The following MDGA2 variants were observed in gnomAD, a reference collection of about 807,000 sequenced individuals.
The protein encoded by MDGA2 is MAM domain-containing glycosylphosphatidylinositol anchor protein 2.
A neutral mutation model predicts 117.8 loss-of-function variants in MDGA2; 40 were observed. The ratio of observed to expected loss-of-function variants is 0.34; its 90% confidence interval spans 0.26 to 0.44. MDGA2 has a LOEUF of 0.44. Among genes scored for constraint, MDGA2 ranks in the 20% least tolerant of loss-of-function variants. The pLI is 1.00. For missense variants in MDGA2, 1,123 were observed against 1,250.6 expected, an observed-to-expected ratio of 0.90 and a Z score of 1.54; for synonymous variants, 452 against 439.0, an observed-to-expected ratio of 1.03 and a Z score of -0.37.
At chr14:47,145,689 T>C (rs543912378) in intron 3 of MDGA2, among the ~76,000 whole-genome samples, 2 of 152,282 alleles carry the variant, frequency 1.3e-5, no homozygotes, top group South Asian at 2.1e-4. Context: ...AATGATACCA[T>C]ATTATTTAGG....
At chr14:46,943,309 T>C (rs1243792542) in intron 9 of MDGA2, among the ~76,000 whole-genome samples, 2 of 152,056 alleles carry the variant, frequency 1.3e-5, no homozygotes, top group Admixed American at 6.6e-5. Flanking sequence ...AAACAGTGTG[T>C]ATCTTGTAGA....
chr14:46,873,410 A>T lies in MDGA2; in HGVS notation c.2752+23T>A, dbSNP rs775737283. The T allele has an allele frequency of 1.9e-6, 3 of 1,549,564 alleles. No homozygotes were observed. In the South Asian group the frequency reaches 3.8e-5, roughly 19 times the overall value. ...CTTAGTTATCATTAATTTTGTAAGA[A>T]TCAGTAATTATTGCTATCTCACCTA... On this transcript the variant is annotated intron_variant, in intron 14 of 16. Coordinates refer to ENST00000399232, the MANE Select transcript of MDGA2 (RefSeq NM_001113498.3).
intron 1 of MDGA2, among the ~76,000 whole-genome samples, chr14:47,596,973 G>C (rs1325424165): frequency 6.6e-6 from 1 of 152,120 alleles, no homozygotes; most frequent in Non-Finnish European, 1.5e-5. Flanking sequence ...GCCTTAATCA[G>C]TAGCTAAATA....
At chr14:47,103,809 G>C (rs932761636) in intron 5 of MDGA2, among the ~76,000 whole-genome samples, 1 of 152,222 alleles carries the variant, frequency 6.6e-6, no homozygotes, top group African/African-American at 2.4e-5. Context: ...TATCAACAGT[G>C]ATGAATGCCT....
intron 1 of MDGA2, among the ~76,000 whole-genome samples, chr14:47,671,359 T>C (rs1460233368): frequency 3.3e-5 from 5 of 152,182 alleles, no homozygotes; most frequent in African/African-American, 1.2e-4. Context: ...ATAATCCATG[T>C]GTTACAGCAA....
intron 1 of MDGA2, among the ~76,000 whole-genome samples, chr14:47,339,541 G>A (rs1330536742): frequency 3.9e-5 from 6 of 151,964 alleles, no homozygotes; most frequent in African/African-American, 1.2e-4. Context: ...TTCTTGGTCT[G>A]TGTGCCTGTG....
At chr14:47,131,373 T>G (rs549523128) in intron 5 of MDGA2, among the ~76,000 whole-genome samples, 1 of 152,132 alleles carries the variant, frequency 6.6e-6, no homozygotes, top group East Asian at 1.9e-4. Flanking sequence ...CAAAACTCAT[T>G]TAGCAACTTC....
chr14:47,038,038 T>C (rs1160700505), intron 7 of MDGA2, among the ~76,000 whole-genome samples: 3 of 152,192 alleles, frequency 2.0e-5, no homozygotes, highest in Admixed American at 1.3e-4. Flanking sequence ...CAAGTGATTG[T>C]TCTGCCTCAG....
chr14:47,479,870 A>T (rs1036939900), intron 1 of MDGA2, among the ~76,000 whole-genome samples: 2 of 152,042 alleles, frequency 1.3e-5, no homozygotes, highest in Admixed American at 6.6e-5. Context: ...TACACCAACA[A>T]TTTACCGCTT....
chr14:47,609,448 T>C (rs1178805182), intron 1 of MDGA2, among the ~76,000 whole-genome samples: 2 of 98,560 alleles, frequency 2.0e-5, no homozygotes, highest in African/African-American at 4.2e-5. Context: ...TATATATATA[T>C]ATATATATAT....
intron 2 of MDGA2, among the ~76,000 whole-genome samples, chr14:47,253,626 G>T (rs950846184): frequency 2.6e-5 from 4 of 152,236 alleles, no homozygotes; most frequent in Non-Finnish European, 4.4e-5. Context: ...GCTTTCATGG[G>T]CTGGTGTTGA....
chr14:47,416,085 C>G (rs921673033), intron 1 of MDGA2, among the ~76,000 whole-genome samples: 2 of 152,130 alleles, frequency 1.3e-5, no homozygotes, highest in African/African-American at 4.8e-5. Flanking sequence ...CAGTAGCCCC[C>G]AAAGTCTTCA....
At chr14:47,170,788 A>T (rs1192738472) in intron 3 of MDGA2, among the ~76,000 whole-genome samples, 1 of 152,210 alleles carries the variant, frequency 6.6e-6, no homozygotes, top group African/African-American at 2.4e-5. Flanking sequence ...ACACATTTCT[A>T]TAGACTAATT....
At chr14:47,537,224 C>A (rs940564463) in intron 1 of MDGA2, among the ~76,000 whole-genome samples, 8 of 145,256 alleles carry the variant, frequency 5.5e-5, no homozygotes, top group African/African-American at 2.1e-4. Flanking sequence ...CCAAACACCG[C>A]ATGTTCTCAC....
At chr14:47,024,839 C>T (rs542672712) in intron 8 of MDGA2, among the ~76,000 whole-genome samples, 2 of 152,016 alleles carry the variant, frequency 1.3e-5, no homozygotes, top group South Asian at 2.1e-4. Context: ...TTTTGAAGAA[C>T]CTTTATTTTT....
intron 1 of MDGA2, among the ~76,000 whole-genome samples, chr14:47,662,310 A>T (rs559940422): frequency 7.0e-4 from 106 of 152,202 alleles, no homozygotes; most frequent in African/African-American, 2.5e-3. Context: ...TTCTGCTTGA[A>T]CATGTAATAT....
chr14:47,254,499 C>G (rs547297172), intron 2 of MDGA2, among the ~76,000 whole-genome samples: 6 of 152,324 alleles, frequency 3.9e-5, no homozygotes, highest in African/African-American at 1.4e-4. Context: ...TCATCTTCAT[C>G]TGAGATCACC....
chr14:46,942,030 T>TATA (rs1885018847), intron 9 of MDGA2, among the ~76,000 whole-genome samples: 1 of 152,172 alleles, frequency 6.6e-6, no homozygotes, highest in Admixed American at 6.5e-5. Flanking sequence ...TGATTTAACT[T>TATA]TTATATATGA....
chr14:47,457,501 A>C (rs1234510250), intron 1 of MDGA2, among the ~76,000 whole-genome samples: 6 of 152,196 alleles, frequency 3.9e-5, no homozygotes, highest in Non-Finnish European at 7.4e-5. Flanking sequence ...TGGTATAAAC[A>C]ATAATTTAGA....
Sources: allele counts gnomAD v4.1 joint callset (sites outside exome capture counted in the v4.1 genomes callset), GRCh38; gene constraint gnomAD v4.1.1; transcripts MANE v1.5; gene names NCBI Gene and HGNC (gene_info 2026-07-23, HGNC 2026-07-21).